The following NKAIN3 variants were observed in gnomAD, a reference collection of about 807,000 sequenced individuals.
NKAIN3 encodes the protein sodium/potassium transporting ATPase interacting 3, also known as sodium/potassium-transporting ATPase subunit beta-1-interacting protein 3.
NKAIN3 carries 25 observed loss-of-function variants against 30.2 expected under a neutral mutation model. The observed-to-expected ratio is 0.83, with a 90% confidence interval of 0.60 to 1.16. The LOEUF (loss-of-function observed/expected upper bound fraction) is 1.16. NKAIN3 is among the 50% of genes most tolerant of loss of function. NKAIN3 has a pLI of 0.00. For synonymous variants in NKAIN3, 91 were observed against 89.6 expected (o/e 1.02, Z -0.09); for missense variants, 225 against 254.1 (o/e 0.89, Z 0.78).
In NKAIN3 at chr8:62,973,427, A is replaced by G. The variant is rs1823876364; in HGVS notation, c.*8020A>G. On this transcript the variant is annotated 3_prime_UTR_variant, in exon 7 of 7. Coordinates refer to ENST00000623646, the MANE Select transcript of NKAIN3 (RefSeq NM_001304533.3). ...ATTTCTCTAATGACCAGTGATGATG[A>G]GATTTTTTTTTACGTTTGTTGGCTG... Among the ~76,000 whole-genome samples the G allele has an allele frequency of 6.6e-6, 1 of 150,596 alleles. No individual in the cohort carries two copies. Among genetic ancestry groups the G allele is most frequent in the African/African-American group, 2.4e-5 (1 of 41,520 alleles).
chr8:62,633,346 G>T (rs1486214307), intron 3 of NKAIN3, among the ~76,000 whole-genome samples: 1 of 151,964 alleles, frequency 6.6e-6, no homozygotes, highest in Non-Finnish European at 1.5e-5. Context: ...ACTAACATAG[G>T]GTCCTGAATG....
intron 3 of NKAIN3, among the ~76,000 whole-genome samples, chr8:62,686,966 C>A (rs986485057): frequency 6.6e-6 from 1 of 152,072 alleles, no homozygotes; most frequent in Non-Finnish European, 1.5e-5. Context: ...GTAACAAATG[C>A]AATTTAATCA....
chr8:62,776,607 C>T (rs1376962339), intron 4 of NKAIN3, among the ~76,000 whole-genome samples: 1 of 152,056 alleles, frequency 6.6e-6, no homozygotes, highest in East Asian at 1.9e-4. Context: ...TAAGTTCTTG[C>T]CCCTGCTTTT....
intron 1 of NKAIN3, among the ~76,000 whole-genome samples, chr8:62,425,688 G>A (rs971268259): frequency 6.6e-6 from 1 of 151,738 alleles, no homozygotes; most frequent in African/African-American, 2.4e-5. Flanking sequence ...TGCTGAGAGA[G>A]TAGTTAATTT....
Position 62,620,161 on chromosome 8 carries a change from C to T in NKAIN3, c.273+30367C>T, listed in dbSNP as rs542000759. Among the ~76,000 whole-genome samples the T allele has an allele frequency of 1.9e-3, 290 of 152,112 alleles. 1 individual carries two copies. The highest frequency in any genetic ancestry group is 6.8e-3 in the African/African-American group (282 of 41,510). Reference sequence around the variant, plus strand: ...ATGATAGGACACAGGGGTATGCTCTCGTGGTAATAAACTGGGGAGACTTAG... The same window carrying T: ...ATGATAGGACACAGGGGTATGCTCTTGTGGTAATAAACTGGGGAGACTTAG... On this transcript the variant is annotated intron_variant, in intron 3 of 6. Coordinates refer to ENST00000623646, the MANE Select transcript of NKAIN3 (RefSeq NM_001304533.3).
chr8:62,828,300 G>A (rs188104460), intron 4 of NKAIN3, among the ~76,000 whole-genome samples: 1 of 151,974 alleles, frequency 6.6e-6, no homozygotes, highest in Non-Finnish European at 1.5e-5. Context: ...GTTCTTTGAG[G>A]TGATAAAACT....
chr8:62,964,919 T>A lies in NKAIN3; in HGVS notation c.604-435T>A, dbSNP rs528977947. The stretch of plus-strand genomic sequence containing the variant: ...TAAAAGTAGCCATCACAGGATGGGA[T>A]GTGTGTAAGGAACATAAGTCAATGA... On this transcript the variant is annotated intron_variant, in intron 6 of 6. Coordinates refer to ENST00000623646, the MANE Select transcript of NKAIN3 (RefSeq NM_001304533.3). 2.0e-5 allele frequency among the ~76,000 whole-genome samples: 3 copies of A among 152,266 alleles called. No homozygotes were observed. In the South Asian group the frequency reaches 6.2e-4, roughly 32 times the overall value.
chr8:62,849,753 C>A (rs1375862503), intron 4 of NKAIN3, among the ~76,000 whole-genome samples: 1 of 151,900 alleles, frequency 6.6e-6, no homozygotes, highest in African/African-American at 2.4e-5. Context: ...TGGTTTCCAG[C>A]TTCATGCATG....
chr8:62,906,051 A>C (rs553638575), intron 4 of NKAIN3, among the ~76,000 whole-genome samples: 1 of 152,148 alleles, frequency 6.6e-6, no homozygotes, highest in African/African-American at 2.4e-5. Context: ...TTACTGTGAA[A>C]ACAGCACAGA....
chr8:62,495,625 G>A (rs1289078109), intron 1 of NKAIN3, among the ~76,000 whole-genome samples: 1 of 151,314 alleles, frequency 6.6e-6, no homozygotes, highest in East Asian at 1.9e-4. Context: ...AAATAAAGAT[G>A]TTTAATAAAT....
chr8:62,598,299 G>T (rs746222698), intron 3 of NKAIN3, among the ~76,000 whole-genome samples: 1 of 152,032 alleles, frequency 6.6e-6, no homozygotes, highest in East Asian at 1.9e-4. Context: ...TCTTCTGTGT[G>T]TTCTGCCTTA....
chr8:62,300,086 C>G (rs192031201), intron 1 of NKAIN3, among the ~76,000 whole-genome samples: 3 of 151,840 alleles, frequency 2.0e-5, no homozygotes, highest in Non-Finnish European at 2.9e-5. Flanking sequence ...TGTAACAGAT[C>G]GATACTGTTA....
chr8:62,276,167 G>A (rs1041559964), intron 1 of NKAIN3, among the ~76,000 whole-genome samples: 10 of 152,110 alleles, frequency 6.6e-5, no homozygotes, highest in African/African-American at 1.4e-4. Context: ...CTGGGCTCAC[G>A]CGATTCTCTT....
intron 1 of NKAIN3, among the ~76,000 whole-genome samples, chr8:62,485,076 T>C (rs1806854315): frequency 6.6e-6 from 1 of 152,202 alleles, no homozygotes; most frequent in African/African-American, 2.4e-5. Context: ...AACAGAGCCC[T>C]GCCCCTCTCA....
At chr8:62,420,167 A>G (rs945470518) in intron 1 of NKAIN3, among the ~76,000 whole-genome samples, 4 of 152,156 alleles carry the variant, frequency 2.6e-5, no homozygotes, top group African/African-American at 9.7e-5. Flanking sequence ...GAAATCTCTT[A>G]TGAGTCACGT....
At chr8:62,412,909 CAAAAAAAAAAAACAA>C (rs1804297186) in intron 1 of NKAIN3, among the ~76,000 whole-genome samples, 2 of 97,912 alleles carry the variant, frequency 2.0e-5, no homozygotes, top group Admixed American at 2.1e-4. Context: ...GAGACTCCGT[CAAAAAAAAAAAACAA>C]AAAAAAAAAA....
intron 1 of NKAIN3, among the ~76,000 whole-genome samples, chr8:62,474,496 G>C (rs1219824607): frequency 6.6e-6 from 1 of 152,110 alleles, no homozygotes; most frequent in African/African-American, 2.4e-5. Flanking sequence ...GAGCTGGATT[G>C]GCAAACGTAC....
intron 5 of NKAIN3, among the ~76,000 whole-genome samples, chr8:62,937,266 A>T (rs1200208797): frequency 2.0e-5 from 3 of 152,190 alleles, no homozygotes; most frequent in Non-Finnish European, 4.4e-5. Context: ...CTGCAGGAAC[A>T]TATCAGGAAA....
chr8:62,791,920 G>T (rs774224546), intron 4 of NKAIN3, among the ~76,000 whole-genome samples: 11 of 152,090 alleles, frequency 7.2e-5, no homozygotes, highest in African/African-American at 1.4e-4. Flanking sequence ...GACAAAAATT[G>T]TATATATTCA....
Sources: allele counts gnomAD v4.1 joint callset (sites outside exome capture counted in the v4.1 genomes callset), GRCh38; gene constraint gnomAD v4.1.1; transcripts MANE v1.5; gene names NCBI Gene and HGNC (gene_info 2026-07-23, HGNC 2026-07-21).